Variants in SKI observed in about 807,000 individuals in gnomAD.
SKI encodes the protein SKI proto-oncogene, also known as ski oncogene.
Under a neutral mutation model 59.3 loss-of-function variants are expected in SKI, and 23 were observed. That is an observed-to-expected ratio of 0.39 (90% confidence interval 0.28 to 0.55). The LOEUF is 0.55. Among genes scored for constraint, SKI ranks in the 20% least tolerant of loss-of-function variants. SKI has a pLI of 0.67. For missense variants in SKI, 1,017 were observed against 1,038.9 expected (o/e 0.98, Z 0.29); for synonymous variants, 673 against 488.6 (o/e 1.38, Z -4.98).
At chr1:2,243,358 C>T (rs1004442449) in intron 1 of SKI, among the ~76,000 whole-genome samples, 6 of 152,252 alleles carry the variant, frequency 3.9e-5, no homozygotes, top group Admixed American at 3.9e-4. Flanking sequence ...CGGCAGGGGG[C>T]CGCCATCCTT....
At chr1:2,306,458 G>A in intron 6 of SKI, 119 bp from the exon 7 acceptor site, 6 of 1,131,164 alleles carry the variant, frequency 5.3e-6, no homozygotes, top group Non-Finnish European at 7.5e-6. Flanking sequence ...TGGAGGAGGG[G>A]CCGGCACGCG....
chr1:2,305,363 C>G lies in SKI; in HGVS notation c.1768-657C>G, dbSNP rs550525542. On this transcript the variant is annotated intron_variant, in intron 5 of 6. Coordinates refer to ENST00000378536, the MANE Select transcript of SKI (RefSeq NM_003036.4). ...TTCACACCTCGGCGGCGTCTGGCAG[C>G]TTCCGCGGCGTGGGCTTTAGCACAA... Among the ~76,000 whole-genome samples, 3 of 152,324 alleles carry G rather than the reference C, an allele frequency of 2.0e-5. No individual in the cohort carries two copies. In the South Asian group the frequency reaches 6.2e-4, roughly 32 times the overall value.
intron 1 of SKI, among the ~76,000 whole-genome samples, chr1:2,252,234 A>G (rs1206063672): frequency 1.3e-5 from 2 of 152,192 alleles, no homozygotes; most frequent in African/African-American, 4.8e-5. Flanking sequence ...GAACGGGTCC[A>G]TTCATTTTTA....
At chr1:2,295,257 C>T (rs74824756) in intron 1 of SKI, among the ~76,000 whole-genome samples, 167 of 152,290 alleles carry the variant, frequency 1.1e-3, no homozygotes, top group African/African-American at 3.8e-3. Context: ...CCATGCCAGC[C>T]GAGCGCCCCT....
chr1:2,245,785 C>CTTA (rs778496109), intron 1 of SKI, among the ~76,000 whole-genome samples: 1 of 93,852 alleles, frequency 1.1e-5, no homozygotes, highest in Non-Finnish European at 2.1e-5. Flanking sequence ...CCTATTTTTC[C>CTTA]TTCTTTTTTT....
At chr1:2,277,961 G>A (rs571741334) in intron 1 of SKI, among the ~76,000 whole-genome samples, 1 of 152,114 alleles carries the variant, frequency 6.6e-6, no homozygotes, top group South Asian at 2.1e-4. Context: ...GTGGACACGT[G>A]CACGCACACA....
intron 1 of SKI, chr1:2,240,814 A>T: frequency 1.0e-6 from 1 of 985,230 alleles, no homozygotes; most frequent in Non-Finnish European, 1.2e-6. Context: ...GAGAAACCAC[A>T]GCTCTTAGGA....
intron 1 of SKI, among the ~76,000 whole-genome samples, chr1:2,276,172 C>T (rs750385061): frequency 6.6e-6 from 1 of 152,192 alleles, no homozygotes; most frequent in African/African-American, 2.4e-5. Context: ...CACGCAGCCA[C>T]ATTTCCCAAA....
chr1:2,246,731 TG>T (rs967638998), intron 1 of SKI, among the ~76,000 whole-genome samples: 9 of 152,308 alleles, frequency 5.9e-5, no homozygotes, highest in African/African-American at 2.2e-4. Flanking sequence ...GGCCGAAGGC[TG>T]TGAGTGCCAT....
chr1:2,229,730 C>G lies in SKI; in HGVS notation c.964C>G (p.Pro322Ala), dbSNP rs779317743. 1 of 1,559,578 alleles carries G rather than the reference C, an allele frequency of 6.4e-7. No individual in the cohort carries two copies. The highest frequency in any genetic ancestry group is 2.4e-5 in the East Asian group (1 of 41,306). Reference protein sequence around the residue: ...DYGNKYKRRVPRVSSEPPASI... With the variant: ...DYGNKYKRRVARVSSEPPASI... ...TGGCAACAAGTACAAGCGGCGGGTG[C>G]CCCGGGTGAGTGGCCCCAGGCCTGG... Residue 322 changes from proline (P) to alanine (A), a missense_variant, in exon 1 of 7, where the codon CCC becomes GCC. Physicochemically the swap from Pro to Ala is conservative, Grantham distance 27. Transcript: ENST00000378536. The surrounding 1 kb of genome is among the most constrained non-coding windows in gnomAD (Gnocchi z 6.3).
At chr1:2,248,428 G>A (rs906171084) in intron 1 of SKI, among the ~76,000 whole-genome samples, 2 of 152,206 alleles carry the variant, frequency 1.3e-5, no homozygotes, top group Admixed American at 6.5e-5. Flanking sequence ...AATGAGGGGC[G>A]CCGCAGGGTG....
chr1:2,251,907 G>C (rs1557821056), intron 1 of SKI, among the ~76,000 whole-genome samples: 1 of 152,216 alleles, frequency 6.6e-6, no homozygotes, highest in African/African-American at 2.4e-5. Context: ...CAGCGTGGCT[G>C]AACCGGCTTA....
chr1:2,232,316 G>C (rs536078185), intron 1 of SKI, among the ~76,000 whole-genome samples: 1 of 152,300 alleles, frequency 6.6e-6, no homozygotes, highest in East Asian at 1.9e-4. Flanking sequence ...ATTGCCTTCC[G>C]GGTGTTTGTG....
At chr1:2,251,494 C>T (rs1284653815) in intron 1 of SKI, among the ~76,000 whole-genome samples, 1 of 152,192 alleles carries the variant, frequency 6.6e-6, no homozygotes, top group African/African-American at 2.4e-5. Flanking sequence ...GCCCTCACGT[C>T]CCACCACAGT....
In SKI at chr1:2,299,758, C is replaced by T. The variant is rs560373976; in HGVS notation, c.970-3220C>T. 1.8e-4 allele frequency among the ~76,000 whole-genome samples: 27 copies of T among 152,316 alleles called. No individual in the cohort carries two copies. The South Asian group carries it at 3.7e-3, about 21-fold the overall frequency. On this transcript the variant is annotated intron_variant, in intron 1 of 6. Transcript: ENST00000378536. ...CAGCGTTTCGCCCTGAGCATCTGCACGTGTCAGGCAGGAAAGGGTCCCCAA... is the reference window on the plus strand; with the variant it reads ...CAGCGTTTCGCCCTGAGCATCTGCATGTGTCAGGCAGGAAAGGGTCCCCAA...
chr1:2,291,774 A>G (rs1043956236), intron 1 of SKI, among the ~76,000 whole-genome samples: 3 of 152,292 alleles, frequency 2.0e-5, no homozygotes, highest in Middle Eastern at 3.4e-3. Context: ...ACTAATTGCT[A>G]CTCAGTTTCC....
chr1:2,285,232 G>A (rs1640011332), intron 1 of SKI, among the ~76,000 whole-genome samples: 1 of 152,120 alleles, frequency 6.6e-6, no homozygotes, highest in African/African-American at 2.4e-5. Context: ...ATTCTTCCAG[G>A]CCGGTCGCAG....
intron 1 of SKI, among the ~76,000 whole-genome samples, chr1:2,263,037 T>TA (rs1400907345): frequency 6.6e-6 from 1 of 151,946 alleles, no homozygotes; most frequent in African/African-American, 2.4e-5. Flanking sequence ...GTTGCTGGGA[T>TA]AACAGGTGTC....
chr1:2,230,846 C>T (rs867037158), intron 1 of SKI, among the ~76,000 whole-genome samples: 6 of 152,208 alleles, frequency 3.9e-5, no homozygotes, highest in East Asian at 1.9e-4. Context: ...TGAATAGATG[C>T]TCCAGCCCGG....
Sources: gnomAD v4.1 joint callset for allele counts (sites outside exome capture counted in the v4.1 genomes callset) on GRCh38, gnomAD v4.1.1 for gene constraint, Gnocchi (gnomAD v3.1) non-coding constraint, MANE v1.5 for transcripts, NCBI Gene and HGNC (gene_info 2026-07-23, HGNC 2026-07-21) for gene names.